ADCY9: variants seen among roughly 807,000 people sequenced by gnomAD.
ADCY9 encodes the protein adenylate cyclase type 9.
In ADCY9, 50 loss-of-function variants were observed where a neutral mutation model predicts 101.5. That is an observed-to-expected ratio of 0.49 (90% CI 0.39 to 0.62). ADCY9 has a LOEUF of 0.62. ADCY9 is among the 20% of genes least tolerant of loss of function. The pLI is 0.00. For synonymous variants in ADCY9, 905 were observed against 769.3 expected (o/e 1.18, Z -2.92); for missense variants, 1,662 against 1,800.4 (o/e 0.92, Z 1.39).
chr16:3,967,184 C>A (rs2056006634), intron 10 of ADCY9, among the ~76,000 whole-genome samples: 1 of 152,208 alleles, frequency 6.6e-6, no homozygotes, highest in African/African-American at 2.4e-5. Context: ...GAGGTGGGGT[C>A]TCACTGTGTT....
At chr16:4,052,635 A>G (rs905637896) in intron 2 of ADCY9, among the ~76,000 whole-genome samples, 6 of 152,208 alleles carry the variant, frequency 3.9e-5, no homozygotes, top group Non-Finnish European at 8.8e-5. Context: ...CCGCATTCCT[A>G]GATAACAACT....
intron 2 of ADCY9, among the ~76,000 whole-genome samples, chr16:4,022,490 CAAAAAAAAAAAAA>C (rs58498676): frequency 2.0e-4 from 13 of 65,048 alleles, no homozygotes; most frequent in Admixed American, 2.8e-4. Context: ...GACTCCGTCT[CAAAAAAAAAAAAA>C]AAAAAAAAAA....
rs903838176 is a variant in ADCY9 at position 3,965,549 on chromosome 16, C to A, written c.*226G>T. 8.6e-6 allele frequency: 5 copies of A among 581,722 alleles called. No individual in the cohort carries two copies. Among genetic ancestry groups the A allele is most frequent in the African/African-American group, 1.9e-5 (1 of 53,634 alleles). The allele number at this position is 581,722 out of a possible 1,614,324, so 36.0% of individuals were successfully genotyped here. ...CACTTGTTCTCCACCACGTGCTGAA[C>A]GGATGACCCAGAGGCAGCGGGGTTT... On this transcript the variant is annotated 3_prime_UTR_variant, in exon 11 of 11. Coordinates refer to ENST00000294016, the MANE Select transcript of ADCY9 (RefSeq NM_001116.4).
intron 2 of ADCY9, among the ~76,000 whole-genome samples, chr16:4,093,750 C>T (rs1243381419): frequency 1.3e-5 from 2 of 152,168 alleles, no homozygotes; most frequent in East Asian, 1.9e-4. Flanking sequence ...CAGAGCCAGA[C>T]GCTGTCTCAA....
At chr16:4,070,658 G>C (rs894356911) in intron 2 of ADCY9, among the ~76,000 whole-genome samples, 1 of 151,744 alleles carries the variant, frequency 6.6e-6, no homozygotes, top group Admixed American at 6.6e-5. Context: ...TCTTTAAAAA[G>C]AAAAAAGCGA....
intron 2 of ADCY9, among the ~76,000 whole-genome samples, chr16:4,113,400 T>C (rs946526607): frequency 5.9e-5 from 9 of 152,178 alleles, no homozygotes; most frequent in Admixed American, 5.9e-4. Context: ...GCAAAGGCAA[T>C]TTCCTTAAGT....
At chr16:4,049,542 A>G (rs1204144712) in intron 2 of ADCY9, among the ~76,000 whole-genome samples, 1 of 152,158 alleles carries the variant, frequency 6.6e-6, no homozygotes, top group African/African-American at 2.4e-5. Flanking sequence ...TCTACTTTCT[A>G]ACATACTTCT....
chr16:3,982,249 G>A (rs529414307), intron 7 of ADCY9: 1 of 152,582 alleles, frequency 6.6e-6, no homozygotes, highest in African/African-American at 2.4e-5. Flanking sequence ...CCCCAGATGG[G>A]AGAAGCCAGC....
chr16:4,111,461 G>C (rs2057113482), intron 2 of ADCY9, among the ~76,000 whole-genome samples: 1 of 152,118 alleles, frequency 6.6e-6, no homozygotes, highest in African/African-American at 2.4e-5. Flanking sequence ...CAAAGGCAGA[G>C]GCTAAAATCG....
intron 2 of ADCY9, among the ~76,000 whole-genome samples, chr16:4,076,102 G>C (rs556013113): frequency 6.6e-6 from 1 of 152,314 alleles, no homozygotes; most frequent in South Asian, 2.1e-4. Flanking sequence ...GCTGAGGTGG[G>C]AGGATCACTT....
intron 2 of ADCY9, among the ~76,000 whole-genome samples, chr16:4,091,752 T>A (rs560877006): frequency 1.9e-4 from 29 of 152,222 alleles, no homozygotes; most frequent in African/African-American, 7.0e-4. Context: ...ACGCCCAGAC[T>A]CGGTAAATCC....
At chr16:4,043,940 CT>C (rs1465056319) in intron 2 of ADCY9, among the ~76,000 whole-genome samples, 1 of 152,144 alleles carries the variant, frequency 6.6e-6, no homozygotes, top group Admixed American at 6.5e-5. Flanking sequence ...CAGTTTCTTC[CT>C]TTTTTGTTGT....
At chr16:4,056,607 C>G (rs1268104857) in intron 2 of ADCY9, among the ~76,000 whole-genome samples, 4 of 152,214 alleles carry the variant, frequency 2.6e-5, no homozygotes, top group South Asian at 4.2e-4. Context: ...TCAGTCCTCA[C>G]TGTAAGAAGC....
intron 2 of ADCY9, among the ~76,000 whole-genome samples, chr16:4,082,752 G>A (rs780475834): frequency 1.3e-5 from 2 of 151,892 alleles, no homozygotes; most frequent in Non-Finnish European, 2.9e-5. Flanking sequence ...GGACGCACAC[G>A]CACACACACC....
chr16:3,985,375 A>T (rs1472085452), intron 6 of ADCY9, among the ~76,000 whole-genome samples: 2 of 152,006 alleles, frequency 1.3e-5, no homozygotes, highest in Admixed American at 1.3e-4. Flanking sequence ...CGACCTCGTG[A>T]TCTGCCTGCC....
At chr16:4,107,532 C>A (rs974264807) in intron 2 of ADCY9, among the ~76,000 whole-genome samples, 4 of 125,224 alleles carry the variant, frequency 3.2e-5, no homozygotes, top group African/African-American at 9.4e-5. Context: ...GCCTGGGTGA[C>A]ACAGCCAGAC....
At chr16:4,055,461 G>A (rs571792819) in intron 2 of ADCY9, among the ~76,000 whole-genome samples, 186 of 151,912 alleles carry the variant, frequency 1.2e-3, no homozygotes, top group Non-Finnish European at 2.1e-3. Flanking sequence ...TTGAACCCAG[G>A]AGGTAGAGGT....
intron 2 of ADCY9, among the ~76,000 whole-genome samples, chr16:4,095,098 G>C (rs1426333862): frequency 6.7e-6 from 1 of 150,308 alleles, no homozygotes; most frequent in Non-Finnish European, 1.5e-5. Context: ...TACTTACCAG[G>C]TTCAAGCGAT....
chr16:3,988,990 G>C lies in ADCY9; in HGVS notation c.2310+4C>G. Reference sequence around the variant, plus strand: ...AGTAAAAGCGCAAGGAGAAATGAACGCACCTCTTCCTGATAGCTGGTCCTG... The same window carrying C: ...AGTAAAAGCGCAAGGAGAAATGAACCCACCTCTTCCTGATAGCTGGTCCTG... On this transcript the variant is annotated splice_donor_region_variant and intron_variant, in intron 6 of 10. Transcript: ENST00000294016. The C allele has an allele frequency of 6.2e-7, 1 of 1,606,132 alleles. No individual in the cohort carries two copies. Among genetic ancestry groups the C allele is most frequent in the Non-Finnish European group, 8.5e-7 (1 of 1,172,926 alleles).
Sources: gnomAD v4.1 joint callset for allele counts (sites outside exome capture counted in the v4.1 genomes callset) on GRCh38, gnomAD v4.1.1 for gene constraint, MANE v1.5 for transcripts, NCBI Gene and HGNC (gene_info 2026-07-23, HGNC 2026-07-21) for gene names.